ACYP2: variants seen among roughly 807,000 people sequenced by gnomAD.
The protein encoded by ACYP2 is acylphosphatase 2.
Under a neutral mutation model 11.2 loss-of-function variants are expected in ACYP2, and 12 were observed. That is an observed-to-expected ratio of 1.08 (90% CI 0.69 to 1.74). The LOEUF (loss-of-function observed/expected upper bound fraction) is 1.74. ACYP2 is among the 40% of genes most tolerant of loss of function. The pLI, the probability that ACYP2 is intolerant of heterozygous loss-of-function variation, is 0.00. For synonymous variants in ACYP2, 43 were observed against 32.2 expected (o/e 1.33, Z -1.13); for missense variants, 134 against 101.9 (o/e 1.31, Z -1.35).
intron 2 of ACYP2, among the ~76,000 whole-genome samples, chr2:54,022,513 T>C (rs1222187794): frequency 6.6e-6 from 1 of 151,970 alleles, no homozygotes; most frequent in Non-Finnish European, 1.5e-5. Context: ...TTCTGAGTAG[T>C]TGGGAGTATA....
intron 6 of ACYP2, among the ~76,000 whole-genome samples, chr2:54,229,698 A>C (rs1686152247): frequency 6.6e-6 from 1 of 152,064 alleles, no homozygotes; most frequent in African/African-American, 2.4e-5. Flanking sequence ...ACAGCACCAA[A>C]GACTAGTTTT....
intron 6 of ACYP2, chr2:54,267,452 C>A: frequency 1.6e-6 from 2 of 1,261,648 alleles, no homozygotes; most frequent in Non-Finnish European, 2.1e-6. Context: ...GAATTGGGAG[C>A]TGGGGGAAGA....
At chr2:54,034,084 C>G (rs1674741237) in intron 2 of ACYP2, among the ~76,000 whole-genome samples, 1 of 152,014 alleles carries the variant, frequency 6.6e-6, no homozygotes, top group African/African-American at 2.4e-5. Flanking sequence ...TGCCAGAAAG[C>G]CCAAAATAAA....
chr2:54,105,757 T>C (rs934867058), intron 4 of ACYP2, among the ~76,000 whole-genome samples: 4 of 151,888 alleles, frequency 2.6e-5, no homozygotes, highest in African/African-American at 9.7e-5. Context: ...GGCCCCCAAA[T>C]TGCTGAGATT....
chr2:54,002,867 T>C (rs1672868074), intron 2 of ACYP2, among the ~76,000 whole-genome samples: 1 of 148,976 alleles, frequency 6.7e-6, no homozygotes, highest in Non-Finnish European at 1.5e-5. Flanking sequence ...AGGCTGGTCT[T>C]GAACTCCTCA....
intron 6 of ACYP2, among the ~76,000 whole-genome samples, chr2:54,215,046 C>G (rs559426793): frequency 6.6e-6 from 1 of 152,222 alleles, no homozygotes; most frequent in Non-Finnish European, 1.5e-5. Flanking sequence ...GTTTGGCTCT[C>G]AGCTTGGATG....
chr2:54,268,570 G>A (rs981125249), intron 6 of ACYP2, among the ~76,000 whole-genome samples: 2 of 149,414 alleles, frequency 1.3e-5, no homozygotes, highest in South Asian at 2.1e-4. Context: ...GGGAGGCTGA[G>A]ACAGGAAGAT....
chr2:54,289,586 ATC>A (rs1689217207), intron 6 of ACYP2, among the ~76,000 whole-genome samples: 2 of 151,994 alleles, frequency 1.3e-5, no homozygotes, highest in South Asian at 2.1e-4. Context: ...TTTTATGATC[ATC>A]TCTGTCTACA....
chr2:54,086,289 T>C (rs1312887152), intron 4 of ACYP2, among the ~76,000 whole-genome samples: 1 of 152,114 alleles, frequency 6.6e-6, no homozygotes, highest in Non-Finnish European at 1.5e-5. Context: ...CTAACACTCA[T>C]AAAGACCTCT....
chr2:54,239,973 T>A (rs1686662046), intron 6 of ACYP2, among the ~76,000 whole-genome samples: 1 of 152,190 alleles, frequency 6.6e-6, no homozygotes, highest in African/African-American at 2.4e-5. Flanking sequence ...ATAACAAAAA[T>A]TTTACATATT....
chr2:54,269,890 C>T (rs843737), intron 6 of ACYP2, among the ~76,000 whole-genome samples: 102,605 of 152,006 alleles, frequency 0.68, 35,429 homozygotes, highest in African/African-American at 0.82. Flanking sequence ...TTTCCAGTTT[C>T]CATAATAATA....
At chr2:54,018,787 G>A (rs1008511432) in intron 2 of ACYP2, among the ~76,000 whole-genome samples, 5 of 151,912 alleles carry the variant, frequency 3.3e-5, no homozygotes, top group Non-Finnish European at 2.9e-5. Context: ...TTACTCTGTC[G>A]CCCAAGCTGG....
intron 2 of ACYP2, among the ~76,000 whole-genome samples, chr2:54,004,923 A>G (rs980966744): frequency 6.6e-6 from 1 of 151,242 alleles, no homozygotes; most frequent in African/African-American, 2.4e-5. Flanking sequence ...AAACAAAAGA[A>G]AGAAAAGAAA....
chr2:54,198,060 C>A (rs1251045920), intron 6 of ACYP2, among the ~76,000 whole-genome samples: 1 of 150,862 alleles, frequency 6.6e-6, no homozygotes, highest in Non-Finnish European at 1.5e-5. Context: ...ACTTTTGTCA[C>A]CCAGGCTGGA....
chr2:54,072,478 TTC>T (rs1221866589), intron 4 of ACYP2, among the ~76,000 whole-genome samples: 1 of 115,592 alleles, frequency 8.7e-6, no homozygotes, highest in African/African-American at 2.9e-5. Flanking sequence ...TTTTCTTTCT[TTC>T]TTTCTTTTTT....
chr2:54,253,437 T>C (rs936264984), intron 6 of ACYP2: 1 of 152,178 alleles, frequency 6.6e-6, no homozygotes, highest in African/African-American at 2.4e-5. Context: ...AGAGAAAATA[T>C]TATAACACAG....
intron 6 of ACYP2, chr2:54,255,504 A>G (rs765490958): frequency 1.9e-6 from 3 of 1,613,782 alleles, no homozygotes; most frequent in East Asian, 4.5e-5. Context: ...CAGCCTCTGC[A>G]TTCACGGAGT....
chr2:54,055,908 G>GTAC (rs1246394565), intron 3 of ACYP2, among the ~76,000 whole-genome samples: 1 of 152,136 alleles, frequency 6.6e-6, no homozygotes, highest in Non-Finnish European at 1.5e-5. Flanking sequence ...GTCAGATATA[G>GTAC]TACCTCCATA....
chr2:54,255,921 C>G (rs776739294), intron 6 of ACYP2: 2 of 1,614,074 alleles, frequency 1.2e-6, no homozygotes, highest in Non-Finnish European at 1.7e-6. Flanking sequence ...GACTGCGACC[C>G]GCATCGACCA....
Sources: allele counts gnomAD v4.1 joint callset (sites outside exome capture counted in the v4.1 genomes callset), GRCh38; gene constraint gnomAD v4.1.1; transcripts MANE v1.5; gene names NCBI Gene and HGNC (gene_info 2026-07-23, HGNC 2026-07-21).